The following NCAM2 variants were observed in gnomAD, a reference collection of about 807,000 sequenced individuals.
The protein encoded by NCAM2 is N-CAM-2.
NCAM2 carries 30 observed loss-of-function variants against 98.1 expected under a neutral mutation model. The observed-to-expected ratio is 0.31, with a 90% CI of 0.23 to 0.41. The LOEUF (loss-of-function observed/expected upper bound fraction) is 0.41, where lower values mean the gene tolerates loss of function less well. Ranked by LOEUF, NCAM2 falls within the 10% of genes least tolerant of loss-of-function variation. The pLI is 1.00. For synonymous variants in NCAM2, 368 were observed against 342.4 expected (o/e 1.07, Z -0.83); for missense variants, 867 against 1,005.8 (o/e 0.86, Z 1.87).
chr21:21,171,779 G>C (rs1353043227), intron 1 of NCAM2, among the ~76,000 whole-genome samples: 1 of 152,116 alleles, frequency 6.6e-6, no homozygotes, highest in Non-Finnish European at 1.5e-5. Context: ...TTACAACACA[G>C]GATAAATTTA....
chr21:21,488,579 G>T (rs575314966), intron 15 of NCAM2, among the ~76,000 whole-genome samples: 2 of 151,894 alleles, frequency 1.3e-5, no homozygotes, highest in African/African-American at 4.8e-5. Flanking sequence ...GATGGATACT[G>T]ATATCAATAC....
intron 4 of NCAM2, among the ~76,000 whole-genome samples, chr21:21,291,457 T>A (rs1389857088): frequency 6.6e-6 from 1 of 151,658 alleles, no homozygotes; most frequent in African/African-American, 2.4e-5. Flanking sequence ...GTATACCAGC[T>A]TATTTTTTTA....
intron 9 of NCAM2, among the ~76,000 whole-genome samples, chr21:21,379,220 T>C (rs2076096874): frequency 6.6e-6 from 1 of 152,084 alleles, no homozygotes; most frequent in South Asian, 2.1e-4. Context: ...GCTTTCCATT[T>C]TGTTAATTCA....
At chr21:21,416,276 G>C (rs1319153617) in intron 10 of NCAM2, among the ~76,000 whole-genome samples, 1 of 152,134 alleles carries the variant, frequency 6.6e-6, no homozygotes, top group African/African-American at 2.4e-5. Context: ...TAAGTTCACT[G>C]TCTTAGGGGC....
At chr21:21,158,507 A>C (rs1330466892) in intron 1 of NCAM2, among the ~76,000 whole-genome samples, 1 of 151,946 alleles carries the variant, frequency 6.6e-6, no homozygotes, top group Non-Finnish European at 1.5e-5. Flanking sequence ...GCTACTTGGG[A>C]GGCAGGAGAA....
chr21:21,266,279 T>C (rs961191065), intron 1 of NCAM2, among the ~76,000 whole-genome samples: 1 of 152,122 alleles, frequency 6.6e-6, no homozygotes, highest in Admixed American at 6.6e-5. Context: ...ATTCAACTAC[T>C]GTATTCCTAA....
chr21:21,530,835 T>A (rs1244406208), intron 16 of NCAM2, among the ~76,000 whole-genome samples: 2 of 151,964 alleles, frequency 1.3e-5, no homozygotes, highest in Non-Finnish European at 2.9e-5. Flanking sequence ...AAATATACAG[T>A]AAGATACTAG....
chr21:21,414,630 C>T (rs1273680872), intron 10 of NCAM2, among the ~76,000 whole-genome samples: 7 of 151,962 alleles, frequency 4.6e-5, no homozygotes, highest in African/African-American at 9.7e-5. Flanking sequence ...CCACCACGCC[C>T]GGCTATTTTT....
chr21:21,179,860 C>A (rs2068413086), intron 1 of NCAM2, among the ~76,000 whole-genome samples: 1 of 152,198 alleles, frequency 6.6e-6, no homozygotes, highest in South Asian at 2.1e-4. Flanking sequence ...TTTCAGTTTT[C>A]TATTGATGTG....
At chr21:21,047,126 A>C (rs2065021004) in intron 1 of NCAM2, among the ~76,000 whole-genome samples, 1 of 152,104 alleles carries the variant, frequency 6.6e-6, no homozygotes, top group South Asian at 2.1e-4. Context: ...CTAGTGAAAT[A>C]GTTTTATTAA....
At chr21:21,390,314 A>G (rs1367162227) in intron 9 of NCAM2, among the ~76,000 whole-genome samples, 1 of 152,160 alleles carries the variant, frequency 6.6e-6, no homozygotes, top group Non-Finnish European at 1.5e-5. Context: ...CATTGTCTAT[A>G]TTAGACAGCA....
At chr21:21,118,444 A>C (rs772939748) in intron 1 of NCAM2, among the ~76,000 whole-genome samples, 23 of 152,160 alleles carry the variant, frequency 1.5e-4, no homozygotes, top group Middle Eastern at 3.4e-3. Flanking sequence ...TCTGAACTGC[A>C]CTCTGAAGGC....
chr21:21,093,199 C>G (rs948464610), intron 1 of NCAM2, among the ~76,000 whole-genome samples: 1 of 152,126 alleles, frequency 6.6e-6, no homozygotes, highest in African/African-American at 2.4e-5. Flanking sequence ...GACAGAGAGT[C>G]TGCCAACTGT....
intron 1 of NCAM2, among the ~76,000 whole-genome samples, chr21:21,060,099 A>C (rs1255299410): frequency 6.6e-6 from 1 of 152,042 alleles, no homozygotes; most frequent in East Asian, 1.9e-4. Context: ...TACATGCTTG[A>C]CATGTATTTG....
At chr21:21,352,015 G>A (rs1240297715) in intron 8 of NCAM2, among the ~76,000 whole-genome samples, 1 of 152,138 alleles carries the variant, frequency 6.6e-6, no homozygotes, top group Non-Finnish European at 1.5e-5. Flanking sequence ...CTCCTCAAAT[G>A]CTGGGATTGC....
intron 5 of NCAM2, among the ~76,000 whole-genome samples, chr21:21,301,421 C>CATGT (rs2073709797): frequency 6.9e-6 from 1 of 145,312 alleles, no homozygotes; most frequent in Non-Finnish European, 1.5e-5. Context: ...TTTTAGGGTA[C>CATGT]ATGTGCACAT....
intron 1 of NCAM2, among the ~76,000 whole-genome samples, chr21:21,116,909 G>C (rs1184954128): frequency 1.9e-4 from 29 of 151,364 alleles, no homozygotes; most frequent in Admixed American, 1.9e-3. Context: ...ACAAATACTT[G>C]AATAAACGAA....
At chr21:21,268,171 A>G (rs1339972756) in intron 1 of NCAM2, among the ~76,000 whole-genome samples, 1 of 152,048 alleles carries the variant, frequency 6.6e-6, no homozygotes, top group African/African-American at 2.4e-5. Flanking sequence ...GCACCATCTC[A>G]GTTTTTGTTG....
At chr21:21,199,394 G>A (rs945981857) in intron 1 of NCAM2, among the ~76,000 whole-genome samples, 2 of 152,030 alleles carry the variant, frequency 1.3e-5, no homozygotes, top group Admixed American at 6.6e-5. Context: ...TTCCAAATTC[G>A]GACTTGTGTG....
Sources: allele counts gnomAD v4.1 joint callset (sites outside exome capture counted in the v4.1 genomes callset), GRCh38; gene constraint gnomAD v4.1.1; transcripts MANE v1.5; gene names NCBI Gene and HGNC (gene_info 2026-07-23, HGNC 2026-07-21).